The following LRRC7 variants were observed in gnomAD, a reference collection of about 807,000 sequenced individuals.
The protein encoded by LRRC7 is leucine-rich repeat-containing protein 7.
In LRRC7, 23 loss-of-function variants were observed where a neutral mutation model predicts 175.7. The ratio of observed to expected loss-of-function variants is 0.13; its 90% CI spans 0.09 to 0.19. LRRC7 has a LOEUF of 0.19. Among genes scored for constraint, LRRC7 ranks in the 10% least tolerant of loss-of-function variants. The pLI, the probability that LRRC7 is intolerant of heterozygous loss-of-function variation, is 1.00. For missense variants in LRRC7, 1,354 were observed against 1,904.7 expected (o/e 0.71, Z 5.38); for synonymous variants, 685 against 680.9 (o/e 1.01, Z -0.09).
At chr1:69,891,737 C>T (rs767606019) in intron 7 of LRRC7, among the ~76,000 whole-genome samples, 4 of 143,502 alleles carry the variant, frequency 2.8e-5, no homozygotes, top group Non-Finnish European at 4.5e-5. Context: ...GTCTCAAAAA[C>T]GAAAAAAAAA....
At chr1:69,784,009 A>G (rs1193796806) in intron 3 of LRRC7, among the ~76,000 whole-genome samples, 1 of 152,208 alleles carries the variant, frequency 6.6e-6, no homozygotes, top group African/African-American at 2.4e-5. Flanking sequence ...AAAGCCATGA[A>G]CAATAGAACA....
chr1:69,689,469 C>T (rs1487986698), intron 2 of LRRC7, among the ~76,000 whole-genome samples: 1 of 151,980 alleles, frequency 6.6e-6, no homozygotes, highest in Non-Finnish European at 1.5e-5. Flanking sequence ...AAATATCATA[C>T]CTACAAAGAA....
chr1:69,623,237 T>C (rs1391809442), intron 1 of LRRC7, among the ~76,000 whole-genome samples: 5 of 152,186 alleles, frequency 3.3e-5, no homozygotes, highest in Non-Finnish European at 5.9e-5. Context: ...GAAAATTAAT[T>C]AAAATTGAAT....
At chr1:69,662,027 C>T (rs1441221784) in intron 1 of LRRC7, among the ~76,000 whole-genome samples, 1 of 152,078 alleles carries the variant, frequency 6.6e-6, no homozygotes, top group Non-Finnish European at 1.5e-5. Flanking sequence ...ACAGTTTTTT[C>T]ATTTAGGCAA....
At chr1:69,753,283 C>CGTGT (rs199915847) in intron 2 of LRRC7, among the ~76,000 whole-genome samples, 6,175 of 131,130 alleles carry the variant, frequency 0.047, 265 homozygotes, top group East Asian at 0.19. Context: ...AAATCATTGT[C>CGTGT]GTGTGTGTGT....
chr1:69,602,063 G>A (rs1175679571), intron 1 of LRRC7, among the ~76,000 whole-genome samples: 1 of 152,128 alleles, frequency 6.6e-6, no homozygotes, highest in Non-Finnish European at 1.5e-5. Flanking sequence ...GAAGTTGGAA[G>A]GGCAAATTCT....
chr1:69,870,274 G>A (rs1298886172), intron 7 of LRRC7, among the ~76,000 whole-genome samples: 1 of 152,098 alleles, frequency 6.6e-6, no homozygotes, highest in African/African-American at 2.4e-5. Context: ...TTACAGGTTA[G>A]GTGTGGAAGA....
intron 11 of LRRC7, among the ~76,000 whole-genome samples, chr1:69,997,712 T>C (rs1204274594): frequency 6.6e-6 from 1 of 150,946 alleles, no homozygotes; most frequent in Non-Finnish European, 1.5e-5. Context: ...TTTATTGATT[T>C]GCATATATTG....
At chr1:69,916,124 C>CATATTTTGTATATATAAT in intron 7 of LRRC7, among the ~76,000 whole-genome samples, 1 of 136,914 alleles carries the variant, frequency 7.3e-6, no homozygotes, top group Non-Finnish European at 1.5e-5. Context: ...ATATTATATA[C>CATATTTTGTATATATAAT]ATATTTTATA....
chr1:69,678,452 C>A lies in LRRC7; in HGVS notation c.74C>A (p.Ala25Glu). Residue 25 changes from alanine to glutamate, a missense_variant, in exon 2 of 27, where the codon GCA (alanine) becomes GAA (glutamate). Coordinates refer to ENST00000651989, the MANE Select transcript of LRRC7 (RefSeq NM_001370785.2). The stretch of plus-strand genomic sequence containing the variant: ...AGTCCTTGTAAAGAGGTTCGTGCAG[C>A]ACTTCGGAAGAGGCCTGAAGAGGAG... Reference protein sequence around the residue: ...QRSPCKEVRAALRKRPEEELQ... With the variant: ...QRSPCKEVRAELRKRPEEELQ... 6.2e-7 allele frequency: 1 copy of A among 1,604,778 alleles called. No homozygotes were observed. Among genetic ancestry groups the A allele is most frequent in the South Asian group, 1.1e-5 (1 of 89,166 alleles).
At chr1:70,053,951 G>A (rs1364575993) in intron 23 of LRRC7, among the ~76,000 whole-genome samples, 1 of 152,024 alleles carries the variant, frequency 6.6e-6, no homozygotes, top group Non-Finnish European at 1.5e-5. Flanking sequence ...TTACTAGACT[G>A]GCAAAAATTA....
chr1:69,828,692 T>A (rs1006317639), intron 5 of LRRC7, among the ~76,000 whole-genome samples: 14 of 152,010 alleles, frequency 9.2e-5, no homozygotes, highest in African/African-American at 3.1e-4. Context: ...GAGTTACACT[T>A]TTATCTTTAT....
intron 4 of LRRC7, among the ~76,000 whole-genome samples, chr1:69,804,752 A>G (rs984061380): frequency 2.0e-5 from 3 of 151,652 alleles, no homozygotes; most frequent in African/African-American, 7.2e-5. Context: ...TCAACAGTAA[A>G]ATAAAACTCC....
chr1:70,121,549 T>C (rs986428122), intron 26 of LRRC7, among the ~76,000 whole-genome samples: 1 of 152,076 alleles, frequency 6.6e-6, no homozygotes, highest in Non-Finnish European at 1.5e-5. Context: ...GGTATCTTGA[T>C]GATTAGCACA....
At chr1:69,912,960 CT>C (rs986268812) in intron 7 of LRRC7, among the ~76,000 whole-genome samples, 7 of 151,910 alleles carry the variant, frequency 4.6e-5, no homozygotes, top group Non-Finnish European at 8.8e-5. Flanking sequence ...TGTACAGAAT[CT>C]TTTTTTCGTA....
chr1:69,767,282 C>T (rs1036578012), intron 3 of LRRC7, among the ~76,000 whole-genome samples: 1 of 151,986 alleles, frequency 6.6e-6, no homozygotes, highest in Admixed American at 6.6e-5. Flanking sequence ...TAGAATATAA[C>T]ACTTTTATAA....
intron 7 of LRRC7, among the ~76,000 whole-genome samples, chr1:69,838,742 G>C (rs879104568): frequency 6.6e-6 from 1 of 151,772 alleles, no homozygotes; most frequent in Admixed American, 6.6e-5. Context: ...AAGTGGTTTA[G>C]GTAGAAGTTA....
chr1:69,664,277 T>C (rs182861943), intron 1 of LRRC7, among the ~76,000 whole-genome samples: 79 of 152,348 alleles, frequency 5.2e-4, no homozygotes, highest in East Asian at 1.4e-3. Flanking sequence ...GCTACAGATA[T>C]CTTTTTGATA....
chr1:69,863,294 C>A (rs1274683959), intron 7 of LRRC7, among the ~76,000 whole-genome samples: 1 of 152,166 alleles, frequency 6.6e-6, no homozygotes. Context: ...ATTCCAACCC[C>A]AGGCACCTTC....
Sources: gnomAD v4.1 joint callset for allele counts (sites outside exome capture counted in the v4.1 genomes callset) on GRCh38, gnomAD v4.1.1 for gene constraint, MANE v1.5 for transcripts, NCBI Gene and HGNC (gene_info 2026-07-23, HGNC 2026-07-21) for gene names.